RNF220: variants seen among roughly 807,000 people sequenced by gnomAD.
The protein encoded by RNF220 is E3 ubiquitin-protein ligase RNF220.
RNF220 carries 7 observed loss-of-function variants against 67.1 expected under a neutral mutation model. The ratio of observed to expected loss-of-function variants is 0.10; its 90% CI spans 0.06 to 0.20. The LOEUF is 0.20. Among genes scored for constraint, RNF220 ranks in the 10% least tolerant of loss-of-function variants. The pLI, the probability that RNF220 is intolerant of heterozygous loss-of-function variation, is 1.00. For missense variants in RNF220, 565 were observed against 740.3 expected, an observed-to-expected ratio of 0.76 and a Z score of 2.75; for synonymous variants, 270 against 283.2, an observed-to-expected ratio of 0.95 and a Z score of 0.47.
intron 2 of RNF220, among the ~76,000 whole-genome samples, chr1:44,540,848 T>C (rs1251055410): frequency 3.3e-5 from 5 of 152,074 alleles, no homozygotes; most frequent in African/African-American, 4.8e-5. Flanking sequence ...GACCAAACTT[T>C]CTGAGAGCAC....
In RNF220 at chr1:44,439,178, C is replaced by T. The variant is rs1363972504; in HGVS notation, c.625+26456C>T. Among the ~76,000 whole-genome samples, 6 of 152,078 alleles carry T rather than the reference C, an allele frequency of 3.9e-5. No individual in the cohort carries two copies. In the South Asian group the frequency reaches 6.2e-4, roughly 16 times the overall value. Reference sequence around the variant, plus strand: ...ATATTTAAATCTTTATGCCGCTTGCCGGATTACCTTTTTCTTTATGCTGTT... The same window carrying T: ...ATATTTAAATCTTTATGCCGCTTGCTGGATTACCTTTTTCTTTATGCTGTT... On this transcript the variant is annotated intron_variant, in intron 2 of 14. Transcript: ENST00000361799.
At chr1:44,476,024 A>G (rs1655274156) in intron 2 of RNF220, among the ~76,000 whole-genome samples, 1 of 151,998 alleles carries the variant, frequency 6.6e-6, no homozygotes, top group African/African-American at 2.4e-5. Flanking sequence ...GAAAAAGAAA[A>G]AAGAAAATCA....
intron 2 of RNF220, among the ~76,000 whole-genome samples, chr1:44,592,122 G>A (rs1419746503): frequency 6.6e-6 from 1 of 152,202 alleles, no homozygotes; most frequent in Non-Finnish European, 1.5e-5. Flanking sequence ...AAGAAGGAAG[G>A]GAGAAACAGA....
chr1:44,418,836 TG>T (rs899408512), intron 2 of RNF220, among the ~76,000 whole-genome samples: 4 of 152,202 alleles, frequency 2.6e-5, no homozygotes, highest in African/African-American at 9.7e-5. Context: ...ATGTATTCTT[TG>T]TAAATAATTG....
chr1:44,543,776 G>A (rs1433740728), intron 2 of RNF220, among the ~76,000 whole-genome samples: 1 of 152,148 alleles, frequency 6.6e-6, no homozygotes, highest in Non-Finnish European at 1.5e-5. Context: ...GTATCTGGCT[G>A]TGGGGGGAGA....
At chr1:44,595,053 G>A (rs1315660331) in intron 2 of RNF220, among the ~76,000 whole-genome samples, 2 of 152,204 alleles carry the variant, frequency 1.3e-5, no homozygotes, top group East Asian at 3.9e-4. Context: ...AGCATCCACA[G>A]ACCCGCAGCA....
chr1:44,426,075 A>G (rs1433814673), intron 2 of RNF220, among the ~76,000 whole-genome samples: 2 of 152,196 alleles, frequency 1.3e-5, no homozygotes, highest in African/African-American at 4.8e-5. Flanking sequence ...TCTCAGCTGA[A>G]ATTTTATTGG....
intron 2 of RNF220, among the ~76,000 whole-genome samples, chr1:44,471,951 A>G (rs1654850915): frequency 6.6e-6 from 1 of 152,236 alleles, no homozygotes; most frequent in South Asian, 2.1e-4. Flanking sequence ...GACATTGCAC[A>G]TAAATAAAAT....
At chr1:44,611,366 G>A (rs1363447489) in intron 2 of RNF220, among the ~76,000 whole-genome samples, 1 of 152,216 alleles carries the variant, frequency 6.6e-6, no homozygotes, top group Non-Finnish European at 1.5e-5. Context: ...CTGACGCCTG[G>A]TCCCCATGCT....
chr1:44,641,877 G>A (rs1227845455), intron 8 of RNF220, among the ~76,000 whole-genome samples: 1 of 152,260 alleles, frequency 6.6e-6, no homozygotes, highest in Non-Finnish European at 1.5e-5. Context: ...GGCAAACAAA[G>A]TGTGTCGTGC....
chr1:44,586,528 C>T (rs116781009), intron 2 of RNF220, among the ~76,000 whole-genome samples: 118 of 152,148 alleles, frequency 7.8e-4, no homozygotes, highest in African/African-American at 2.7e-3. Context: ...CTGCGGATGA[C>T]ACCAGGACAG....
At position 44,645,428 on chromosome 1, in the gene RNF220, A is replaced by T; in HGVS notation, c.1385A>T (p.Asn462Ile). Reference sequence around the variant, plus strand: ...CCAGCAGAGATGCCATCCACCAGCAATGGTGAAAGCAGCAAGCAGGAGGCC... The same window carrying T: ...CCAGCAGAGATGCCATCCACCAGCATTGGTGAAAGCAGCAAGCAGGAGGCC... ...WASDEMPSTSNGESSKQEAMQ... is the reference protein window; with the variant it reads ...WASDEMPSTSIGESSKQEAMQ... Residue 462 changes from asparagine to isoleucine, a missense_variant, in exon 12 of 15, where the codon AAT becomes ATT. Transcript: ENST00000361799. The surrounding 1 kb of genome is among the most constrained non-coding windows in gnomAD (Gnocchi z 5.0). The T allele has an allele frequency of 6.2e-7, 1 of 1,613,962 alleles. No homozygotes were observed. Among genetic ancestry groups the T allele is most frequent in the Non-Finnish European group, 8.5e-7 (1 of 1,179,956 alleles).
intron 2 of RNF220, among the ~76,000 whole-genome samples, chr1:44,441,849 C>G (rs548543528): frequency 1.0e-3 from 156 of 152,282 alleles, no homozygotes; most frequent in African/African-American, 3.6e-3. Context: ...GACCTGACTT[C>G]TACCTTCAAG....
chr1:44,528,379 C>A (rs190032530), intron 2 of RNF220, among the ~76,000 whole-genome samples: 1 of 151,920 alleles, frequency 6.6e-6, no homozygotes, highest in Admixed American at 6.6e-5. Context: ...CGGCTCACTG[C>A]AAGCTCCGTC....
At chr1:44,641,846 A>G (rs1193443895) in intron 8 of RNF220, among the ~76,000 whole-genome samples, 2 of 152,252 alleles carry the variant, frequency 1.3e-5, no homozygotes, top group East Asian at 3.8e-4. Context: ...GGCTCAGACC[A>G]GAGGCAGAGG....
intron 2 of RNF220, among the ~76,000 whole-genome samples, chr1:44,571,240 A>G (rs995000806): frequency 1.3e-5 from 2 of 152,122 alleles, no homozygotes. Flanking sequence ...CATTATCCCC[A>G]TCGTTCCTTG....
At chr1:44,418,998 G>T (rs1376230879) in intron 2 of RNF220, among the ~76,000 whole-genome samples, 2 of 152,100 alleles carry the variant, frequency 1.3e-5, no homozygotes, top group Non-Finnish European at 2.9e-5. Flanking sequence ...TTGGAGTGAT[G>T]GTACATTGCA....
intron 2 of RNF220, among the ~76,000 whole-genome samples, chr1:44,584,250 T>C (rs558586953): frequency 9.2e-5 from 14 of 152,302 alleles, no homozygotes; most frequent in South Asian, 2.1e-4. Context: ...ACCCAGACAA[T>C]TGGCCATGAA....
At chr1:44,522,151 G>A (rs1659990749) in intron 2 of RNF220, among the ~76,000 whole-genome samples, 1 of 152,140 alleles carries the variant, frequency 6.6e-6, no homozygotes, top group African/African-American at 2.4e-5. Flanking sequence ...AAAAGACCAT[G>A]ACAAATGTTT....
Sources: allele counts gnomAD v4.1 joint callset (sites outside exome capture counted in the v4.1 genomes callset), GRCh38; gene constraint gnomAD v4.1.1; non-coding constraint Gnocchi (gnomAD v3.1); transcripts MANE v1.5; gene names NCBI Gene and HGNC (gene_info 2026-07-23, HGNC 2026-07-21).